The following RAB3GAP2 variants were observed in gnomAD, a reference collection of about 807,000 sequenced individuals.
RAB3GAP2 encodes the protein RAB3 GTPase activating non-catalytic protein subunit 2.
Under a neutral mutation model 185.3 loss-of-function variants are expected in RAB3GAP2, and 87 were observed. The observed-to-expected ratio is 0.47, with a 90% confidence interval of 0.39 to 0.56. The LOEUF (loss-of-function observed/expected upper bound fraction) is 0.56. Among genes scored for constraint, RAB3GAP2 ranks in the 20% least tolerant of loss-of-function variants. The probability of loss-of-function intolerance (pLI) is 0.00; values close to 1 mark genes in which losing one functional copy is unlikely to be tolerated. For synonymous variants in RAB3GAP2, 554 were observed against 576.1 expected (o/e 0.96, Z 0.55); for missense variants, 1,492 against 1,638.2 (o/e 0.91, Z 1.54).
chr1:220,200,748 G>C (rs1339894658), intron 9 of RAB3GAP2: 2 of 442,774 alleles, frequency 4.5e-6, no homozygotes, highest in Non-Finnish European at 4.7e-6. Context: ...TTATTACAGA[G>C]TATTCCATGT....
intron 1 of RAB3GAP2, among the ~76,000 whole-genome samples, chr1:220,236,337 C>T (rs1197144267): frequency 6.6e-6 from 1 of 152,066 alleles, no homozygotes; most frequent in African/African-American, 2.4e-5. Flanking sequence ...CCACCACACC[C>T]AGCTAATTTT....
intron 17 of RAB3GAP2, among the ~76,000 whole-genome samples, 183 bp from the exon 18 acceptor site, chr1:220,185,924 A>G (rs575137112): frequency 1.6e-4 from 24 of 152,332 alleles, no homozygotes; most frequent in Middle Eastern, 3.4e-3. Flanking sequence ...AATCAACTTC[A>G]TGTCATGCCA....
intron 1 of RAB3GAP2, among the ~76,000 whole-genome samples, chr1:220,241,857 T>C (rs1194232160): frequency 6.6e-6 from 1 of 151,966 alleles, no homozygotes; most frequent in Non-Finnish European, 1.5e-5. Flanking sequence ...TTCATATTTA[T>C]ATATTATTTA....
Position 220,151,587 on chromosome 1 carries a change from C to G in RAB3GAP2, c.4026+19G>C. The G allele has an allele frequency of 6.2e-7, 1 of 1,603,624 alleles. No homozygotes were observed. On this transcript the variant is annotated intron_variant, in intron 34 of 34. Transcript: ENST00000358951. The stretch of plus-strand genomic sequence containing the variant: ...AACATCCAATGACCTTTTGCCTGAT[C>G]TCGTTCTATTGTACTGACCATTGCT...
Position 220,189,753 on chromosome 1 carries a change from C to T in RAB3GAP2, c.1729G>A (p.Glu577Lys), listed in dbSNP as rs1658577852. The stretch of plus-strand genomic sequence containing the variant: ...ATATCAAGAATTAATTCCTTTATTT[C>T]TGTTTCAACCAAATCTATAAAGAAA... ...KSPNLDLVET[E>K]IKELILDIKY... The change falls in exon 17 of 35, where the codon GAA becomes AAA. Residue 577 changes from glutamate (E) to lysine (K), a missense_variant. Physicochemically the swap from Glu to Lys is moderately conservative, Grantham distance 56 (BLOSUM62 1). Coordinates refer to ENST00000358951, the MANE Select transcript of RAB3GAP2 (RefSeq NM_012414.4). 2 of 1,517,182 alleles carry T rather than the reference C, an allele frequency of 1.3e-6. No individual in the cohort carries two copies. Among genetic ancestry groups the T allele is most frequent in the Admixed American group, 1.9e-5 (1 of 53,068 alleles). The allele number at this position is 1,517,182 out of a possible 1,614,324, so 94.0% of individuals were successfully genotyped here.
At chr1:220,174,034 A>AAAAAG (rs1213406222) in intron 21 of RAB3GAP2, among the ~76,000 whole-genome samples, 6 of 151,374 alleles carry the variant, frequency 4.0e-5, no homozygotes, top group African/African-American at 1.5e-4. Context: ...AAAAAAAAAA[A>AAAAAG]AAAAGAAAAG....
At chr1:220,153,788 T>C (rs1657806769) in intron 32 of RAB3GAP2, 180 bp downstream of exon 32, 2 of 737,636 alleles carry the variant, frequency 2.7e-6, no homozygotes, top group Non-Finnish European at 4.2e-6. Context: ...TGTGTGATGT[T>C]CCCCACCCTG....
chr1:220,191,159 C>T lies in RAB3GAP2; in HGVS notation c.1396G>A (p.Val466Met), dbSNP rs753527336. The T allele has an allele frequency of 1.2e-6, 2 of 1,614,052 alleles. No homozygotes were observed. Among genetic ancestry groups the T allele is most frequent in the East Asian group, 2.2e-5 (1 of 44,854 alleles). Residue 466 changes from valine (V) to methionine (M), a missense_variant, in exon 14 of 35, where the codon GTG (valine) becomes ATG (methionine). This residue lies in a region of RAB3GAP2 where 681 missense variants were observed against 689.1 expected (regional missense o/e 0.99). Transcript: ENST00000358951. ...QGPSRVAQFL[V>M]IYAPRRGILE... is the part of the protein sequence containing the mutation. ...ATTCCCCTTCTTGGCGCATAGATCA[C>T]AAGGAATTGAGCTACTCGACTTGGA...
chr1:220,213,854 A>C lies in RAB3GAP2; in HGVS notation c.304+2T>G. On this transcript the variant is annotated splice_donor_variant, in intron 3 of 34. Coordinates refer to ENST00000358951, the MANE Select transcript of RAB3GAP2 (RefSeq NM_012414.4). LOFTEE classifies it high-confidence loss of function. ...GGTCGCTGAAAATAATAGGATACTC[A>C]CGCACTAGAAATACAGCTTTTTGCT... The C allele has an allele frequency of 6.2e-7, 1 of 1,612,584 alleles. No individual in the cohort carries two copies. The highest frequency in any genetic ancestry group is 8.5e-7 in the Non-Finnish European group (1 of 1,178,752).
chr1:220,210,359 T>C lies in RAB3GAP2; in HGVS notation c.612+29A>G, dbSNP rs77791948. 6.9e-4 allele frequency: 1,057 copies of C among 1,521,054 alleles called. 5 individuals carry two copies. In the African/African-American group the frequency reaches 0.013, roughly 19 times the overall value. The allele number at this position is 1,521,054 out of a possible 1,614,324, so 94.2% of individuals were successfully genotyped here. A position where few individuals can be genotyped will look rare whatever the true frequency, so the allele number is the denominator to read the frequency against. On this transcript the variant is annotated intron_variant, in intron 7 of 34. Transcript: ENST00000358951. ...AACTGCTTCAAAATAATGCCACTGT[T>C]ACTGTTGGAACACAATTTTTTACAC... is the stretch of plus-strand genomic sequence containing the variant.
At chr1:220,152,020 AC>A (rs1279823777) in intron 33 of RAB3GAP2, among the ~76,000 whole-genome samples, 2 of 152,146 alleles carry the variant, frequency 1.3e-5, no homozygotes, top group Admixed American at 1.3e-4. Context: ...CTGTTTTCAA[AC>A]TTTTGGCAAA....
chr1:220,181,044 T>C (rs748906100), intron 21 of RAB3GAP2, among the ~76,000 whole-genome samples: 8 of 152,222 alleles, frequency 5.3e-5, no homozygotes, highest in Non-Finnish European at 1.2e-4. Flanking sequence ...CACATTTACA[T>C]TGCAGAAAGT....
At chr1:220,231,655 C>G (rs1659502902) in intron 2 of RAB3GAP2, among the ~76,000 whole-genome samples, 1 of 152,190 alleles carries the variant, frequency 6.6e-6, no homozygotes, top group African/African-American at 2.4e-5. Context: ...TATCTCATAT[C>G]CCTTGCCAGT....
chr1:220,235,870 T>C (rs958127537), intron 1 of RAB3GAP2, among the ~76,000 whole-genome samples: 1 of 152,158 alleles, frequency 6.6e-6, no homozygotes, highest in Middle Eastern at 3.2e-3. Flanking sequence ...ATACAAGATA[T>C]TTAGGTTTAT....
rs553675876 is a variant in RAB3GAP2, at chr1:220,267,182, A to T, written c.115+5041T>A. On this transcript the variant is annotated intron_variant, in intron 1 of 34. Transcript: ENST00000358951. ...TGAATAACTGTTTTTGAATGACAGT[A>T]AGACAGGGCACTTGCCAATTCTGTG... is the stretch of plus-strand genomic sequence containing the variant. The T allele has an allele frequency of 1.5e-5, 15 of 1,013,674 alleles. 1 individual carries two copies. In the East Asian group the frequency reaches 3.6e-4, roughly 24 times the overall value. 62.8% of individuals were successfully genotyped at this position (1,013,674 alleles called of 1,614,324 possible). A position where few individuals can be genotyped will look rare whatever the true frequency, so the allele number is the denominator to read the frequency against.
intron 26 of RAB3GAP2, among the ~76,000 whole-genome samples, chr1:220,165,865 C>G (rs576449705): frequency 6.6e-6 from 1 of 152,222 alleles, no homozygotes; most frequent in Non-Finnish European, 1.5e-5. Flanking sequence ...ATGCAGCAAC[C>G]ATGGGGCTTG....
At chr1:220,259,991 C>T (rs1660103452) in intron 1 of RAB3GAP2, among the ~76,000 whole-genome samples, 1 of 152,106 alleles carries the variant, frequency 6.6e-6, no homozygotes. Flanking sequence ...TGAAAAAAAG[C>T]TCAATATCAC....
chr1:220,184,595 T>C (rs1464708582), intron 18 of RAB3GAP2, among the ~76,000 whole-genome samples: 4 of 152,150 alleles, frequency 2.6e-5, no homozygotes, highest in African/African-American at 9.6e-5. Flanking sequence ...TCATGGAATA[T>C]TGTTCAAGTT....
At chr1:220,166,810 A>G (rs1658076911) in intron 26 of RAB3GAP2, among the ~76,000 whole-genome samples, 1 of 152,228 alleles carries the variant, frequency 6.6e-6, no homozygotes, top group South Asian at 2.1e-4. Flanking sequence ...ACATATTTGA[A>G]CAATCAGACA....
Sources: gnomAD v4.1 joint callset for allele counts (sites outside exome capture counted in the v4.1 genomes callset) on GRCh38, gnomAD v4.1.1 for gene constraint, gnomAD v4.1.1 regional missense constraint, MANE v1.5 for transcripts, NCBI Gene and HGNC (gene_info 2026-07-23, HGNC 2026-07-21) for gene names.